The following DOP1A variants were observed in gnomAD, a reference collection of about 807,000 sequenced individuals.
DOP1A encodes protein DOP1A.
A neutral mutation model predicts 267.6 loss-of-function variants in DOP1A; 90 were observed. The observed-to-expected ratio is 0.34, with a 90% CI of 0.28 to 0.40. The LOEUF is 0.40. Ranked by LOEUF, DOP1A falls within the 10% of genes least tolerant of loss-of-function variation. The pLI, the probability that DOP1A is intolerant of heterozygous loss-of-function variation, is 1.00. For synonymous variants in DOP1A, 932 were observed against 999.1 expected (o/e 0.93, Z 1.27); for missense variants, 2,437 against 2,900.4 (o/e 0.84, Z 3.67).
At chr6:83,168,555 T>TG, downstream of DOP1A, 1 of 1,001,110 alleles carries the variant, frequency 1.0e-6, no homozygotes. Flanking sequence ...ATCAGAATGG[T>TG]GTTCCTTCTC....
chr6:83,072,118 G>A (rs967715647), intron 1 of DOP1A, among the ~76,000 whole-genome samples: 1 of 152,066 alleles, frequency 6.6e-6, no homozygotes, highest in African/African-American at 2.4e-5. Flanking sequence ...ACTCTCCTGT[G>A]GAAGGAGTTT....
rs933721514 is a variant in DOP1A at position 83,152,240 on chromosome 6, T to C, written c.6050-48T>C. 9 of 1,135,646 alleles carry C rather than the reference T, an allele frequency of 7.9e-6. No homozygotes were observed. In the African/African-American group the frequency reaches 1.3e-4, roughly 16 times the overall value. 70.3% of individuals were successfully genotyped at this position (1,135,646 alleles called of 1,614,324 possible). A position where few individuals can be genotyped will look rare whatever the true frequency, so the allele number is the denominator to read the frequency against. ...CACACACACACACACACATAAAATTTATTTTCAGTGGGAATTAGCCATATC... is the reference window on the plus strand; with the variant it reads ...CACACACACACACACACATAAAATTCATTTTCAGTGGGAATTAGCCATATC... On this transcript the variant is annotated intron_variant, in intron 29 of 38. Coordinates refer to ENST00000349129, the MANE Select transcript of DOP1A (RefSeq NM_015018.4).
chr6:83,084,450 TATAA>T (rs761281876), intron 1 of DOP1A, among the ~76,000 whole-genome samples: 14 of 152,250 alleles, frequency 9.2e-5, no homozygotes, highest in Non-Finnish European at 1.8e-4. Flanking sequence ...AATGCATGAC[TATAA>T]ATAAGTACAT....
rs754179914 is a variant in DOP1A, at chr6:83,159,863, T to C, written c.6865T>C (p.Tyr2289His). Residue 2289 changes from tyrosine to histidine, a missense_variant, in exon 37 of 39, where the codon TAT (tyrosine) becomes CAT (histidine). This residue lies in a region of DOP1A where 197 missense variants were observed against 246.5 expected (regional missense o/e 0.80). Coordinates refer to ENST00000349129, the MANE Select transcript of DOP1A (RefSeq NM_015018.4). ...YTGGNGFSTS[Y>H]NSQRWLNLYL... ...AGGAGGTAATGGCTTCTCTACTTCA[T>C]ATAACAGCCAGCGGTGGTTAAACCT... 16 of 1,614,130 alleles carry C rather than the reference T, an allele frequency of 9.9e-6. No individual in the cohort carries two copies. Among genetic ancestry groups the C allele is most frequent in the Non-Finnish European group, 1.3e-5 (15 of 1,180,026 alleles).
intron 38 of DOP1A, among the ~76,000 whole-genome samples, chr6:83,163,509 G>T (rs1784726202): frequency 1.3e-5 from 2 of 152,120 alleles, no homozygotes; most frequent in African/African-American, 4.8e-5. Context: ...ATAATCATTA[G>T]CATTCATTCT....
chr6:83,087,148 C>CCTATCTTTGTTGGAGGGAAGGTA (rs1769423220), intron 1 of DOP1A, among the ~76,000 whole-genome samples: 1 of 152,070 alleles, frequency 6.6e-6, no homozygotes. Flanking sequence ...AGATAGGTTA[C>CCTATCTTTGTTGGAGGGAAGGTA]AGATTTGTTG....
At chr6:83,093,013 G>T (rs1370443433) in intron 1 of DOP1A, among the ~76,000 whole-genome samples, 3 of 152,086 alleles carry the variant, frequency 2.0e-5, no homozygotes, top group African/African-American at 7.2e-5. Flanking sequence ...ATGTGGATGG[G>T]GTGGGGAAGA....
intron 36 of DOP1A, 172 bp from the exon 37 acceptor site, chr6:83,159,624 G>A (rs1294921823): frequency 1.3e-6 from 1 of 741,676 alleles, no homozygotes; most frequent in Non-Finnish European, 2.2e-6. Context: ...AAGAAGAAAA[G>A]TGAATTTTTG....
Position 83,139,092 on chromosome 6 carries a change from C to G in DOP1A, c.5050C>G (p.Leu1684Val). 1 of 1,613,932 alleles carries G rather than the reference C, an allele frequency of 6.2e-7. No homozygotes were observed. The highest frequency in any genetic ancestry group is 8.5e-7 in the Non-Finnish European group (1 of 1,179,846). Residue 1684 changes from leucine (L) to valine (V), a missense_variant, in exon 21 of 39, where the codon CTA (leucine) becomes GTA (valine). By Grantham distance (32) the Leu-to-Val change is conservative. Around this residue, in one of 9 missense-constraint regions of DOP1A, gnomAD observed 307 missense variants for 308.6 expected, o/e 0.99. Transcript: ENST00000349129. ...GCAGAGAGTGGTTGTTTCTGTGACA[C>G]TACAACTGTGCAGAAATTTAGATAA... Reference protein sequence around the residue: ...VLQRVVVSVTLQLCRNLDNLI... With the variant: ...VLQRVVVSVTVQLCRNLDNLI...
At chr6:83,166,725 A>G (rs1785771055) in intron 38 of DOP1A, 1 of 1,195,058 alleles carries the variant, frequency 8.4e-7, no homozygotes, top group Admixed American at 4.4e-5. Context: ...AATAAGCAAT[A>G]AGCTTGAGAG....
At position 83,167,994 on chromosome 6, in the gene DOP1A, A is replaced by G. The variant is rs146515406; in HGVS notation, c.7225A>G (p.Ser2409Gly). The G allele has an allele frequency of 6.2e-7, 1 of 1,614,204 alleles. No individual in the cohort carries two copies. Among genetic ancestry groups the G allele is most frequent in the Non-Finnish European group, 8.5e-7 (1 of 1,180,036 alleles). The change falls in exon 39 of 39, where the codon AGC becomes GGC. Residue 2409 changes from serine to glycine, a missense_variant. Physicochemically the swap from Ser to Gly is moderately conservative, Grantham distance 56 (BLOSUM62 0). Transcript: ENST00000349129. ...FFNVLSQVFNSKVTSRCGGHS... is the reference protein window; with the variant it reads ...FFNVLSQVFNGKVTSRCGGHS... ...CAATGTGCTCAGTCAAGTCTTCAACAGCAAAGTCACAAGCCGATGTGGAGG... is the reference window on the plus strand; with the variant it reads ...CAATGTGCTCAGTCAAGTCTTCAACGGCAAAGTCACAAGCCGATGTGGAGG...
intron 18 of DOP1A, 58 bp downstream of exon 18, chr6:83,132,386 A>G (rs490022): frequency 3.9e-6 from 3 of 768,780 alleles, no homozygotes. Flanking sequence ...CACACACACA[A>G]ATACTGAAAA....
intron 1 of DOP1A, among the ~76,000 whole-genome samples, chr6:83,078,831 G>A (rs1160536731): frequency 1.3e-5 from 2 of 152,118 alleles, no homozygotes; most frequent in Non-Finnish European, 1.5e-5. Flanking sequence ...TTCAGAATCT[G>A]CAAAAATATC....
At chr6:83,076,675 T>C (rs1767149794) in intron 1 of DOP1A, among the ~76,000 whole-genome samples, 1 of 151,978 alleles carries the variant, frequency 6.6e-6, no homozygotes, top group Admixed American at 6.6e-5. Context: ...TTGGTAGAGA[T>C]GTAAAATGGT....
chr6:83,103,070 T>C (rs1299592622), intron 4 of DOP1A, among the ~76,000 whole-genome samples: 3 of 152,232 alleles, frequency 2.0e-5, no homozygotes, highest in African/African-American at 7.2e-5. Flanking sequence ...TTCTATTCTA[T>C]TGTGATGTGT....
intron 32 of DOP1A, 49 bp downstream of exon 32, chr6:83,154,092 A>G: frequency 1.2e-6 from 2 of 1,612,868 alleles, no homozygotes; most frequent in Non-Finnish European, 1.7e-6. Context: ...TCACAGTCTG[A>G]TGAAATCAGC....
At position 83,070,239 on chromosome 6, in the gene DOP1A, A is replaced by G. The variant is rs886838111; in HGVS notation, c.-147+2460A>G. 2.0e-5 allele frequency among the ~76,000 whole-genome samples: 3 copies of G among 152,230 alleles called. No individual in the cohort carries two copies. The East Asian group carries it at 5.8e-4, about 29-fold the overall frequency. On this transcript the variant is annotated intron_variant, in intron 1 of 38. Transcript: ENST00000349129. ...TAAATTATCTCCCTGGAATAAAACTATTAAGTAGAAATATAAAGCTAATAT... is the reference window on the plus strand; with the variant it reads ...TAAATTATCTCCCTGGAATAAAACTGTTAAGTAGAAATATAAAGCTAATAT...
At chr6:83,086,340 C>G (rs1000699701) in intron 1 of DOP1A, among the ~76,000 whole-genome samples, 2 of 152,048 alleles carry the variant, frequency 1.3e-5, no homozygotes, top group Non-Finnish European at 2.9e-5. Flanking sequence ...ATGTACTGTT[C>G]ATTAAGTGGA....
intron 7 of DOP1A, among the ~76,000 whole-genome samples, chr6:83,115,634 G>A (rs1228084532): frequency 6.6e-6 from 1 of 152,204 alleles, no homozygotes; most frequent in Non-Finnish European, 1.5e-5. Flanking sequence ...TGAGGCAGGA[G>A]AATGGCGTGA....
Sources: allele counts gnomAD v4.1 joint callset (sites outside exome capture counted in the v4.1 genomes callset), GRCh38; gene constraint gnomAD v4.1.1; regional missense constraint gnomAD v4.1.1; transcripts MANE v1.5; gene names NCBI Gene and HGNC (gene_info 2026-07-23, HGNC 2026-07-21).